MLF2: variants seen among roughly 807,000 people sequenced by gnomAD.
MLF2 encodes the protein myelodysplasia-myeloid leukemia factor 2.
In MLF2, 12 loss-of-function variants were observed where a neutral mutation model predicts 31.4. The ratio of observed to expected loss-of-function variants is 0.38; its 90% CI spans 0.24 to 0.62. The LOEUF (loss-of-function observed/expected upper bound fraction) is 0.62, where lower values mean the gene tolerates loss of function less well. MLF2 is among the 20% of genes least tolerant of loss of function. The pLI, the probability that MLF2 is intolerant of heterozygous loss-of-function variation, is 0.58. For synonymous variants in MLF2, 109 were observed against 118.8 expected (o/e 0.92, Z 0.54); for missense variants, 272 against 359.7 (o/e 0.76, Z 1.97).
chr12:6,748,719 G>T lies in MLF2; in HGVS notation c.*25+51C>A. On this transcript the variant is annotated intron_variant, in intron 8 of 8. Coordinates refer to ENST00000203630, the MANE Select transcript of MLF2 (RefSeq NM_001382226.1). The surrounding 1 kb of genome is among the most constrained non-coding windows in gnomAD (Gnocchi z 4.6). The stretch of plus-strand genomic sequence containing the variant: ...GAGCCTGAACTGAGCCTGCCTTGCA[G>T]CCGAGGACCGTCCGCAGGTGCACCC... 7.2e-7 allele frequency: 1 copy of T among 1,380,550 alleles called. No individual in the cohort carries two copies. The highest frequency in any genetic ancestry group is 9.6e-7 in the Non-Finnish European group (1 of 1,041,288). The allele number at this position is 1,380,550 out of a possible 1,614,324, so 85.5% of individuals were successfully genotyped here. A position where few individuals can be genotyped will look rare whatever the true frequency, so the allele number is the denominator to read the frequency against.
Position 6,749,690 on chromosome 12 carries a change from G to T in MLF2, c.559+158C>A, listed in dbSNP as rs972190096. On this transcript the variant is annotated intron_variant, in intron 7 of 8. Coordinates refer to ENST00000203630, the MANE Select transcript of MLF2 (RefSeq NM_001382226.1). This position sits in a 1 kb window ranked among gnomAD's most constrained non-coding sequence, Gnocchi z 5.3. The stretch of plus-strand genomic sequence containing the variant: ...AGATCGCGCCACTGCACTCCAGCCT[G>T]GGCACCTGGGCAACAAGAGCGAGAC... 2 of 1,024,180 alleles carry T rather than the reference G, an allele frequency of 2.0e-6. No homozygotes were observed. The highest frequency in any genetic ancestry group is 4.8e-5 in the Admixed American group (2 of 42,036). The allele number at this position is 1,024,180 out of a possible 1,614,324, so 63.4% of individuals were successfully genotyped here. A position where few individuals can be genotyped will look rare whatever the true frequency, so the allele number is the denominator to read the frequency against.
In MLF2 at chr12:6,752,052, T is replaced by A. The variant is rs1941623506; in HGVS notation, c.53A>T (p.Asp18Val). 6.2e-7 allele frequency: 1 copy of A among 1,614,082 alleles called. No homozygotes were observed. Among genetic ancestry groups the A allele is most frequent in the Non-Finnish European group, 8.5e-7 (1 of 1,180,006 alleles). The change falls in exon 3 of 9, where the codon GAT (aspartate) becomes GTT (valine). Residue 18 changes from aspartate to valine, a missense_variant and splice_region_variant. Coordinates refer to ENST00000203630, the MANE Select transcript of MLF2 (RefSeq NM_001382226.1). This position sits in a 1 kb window ranked among gnomAD's most constrained non-coding sequence, Gnocchi z 4.6. ...VEPEDPMFLM[D>V]PFAIHRQHMS... ...ATGCTGACGGTGAATAGCAAAGGGA[T>A]CCCTGTGGAGTGAGCACATAGTATG...
chr12:6,750,553 A>G lies in MLF2; in HGVS notation c.270+160T>C, dbSNP rs1046012062. 5 of 952,400 alleles carry G rather than the reference A, an allele frequency of 5.2e-6. No homozygotes were observed. The African/African-American group carries it at 8.2e-5, about 16-fold the overall frequency. 59.0% of individuals were successfully genotyped at this position (952,400 alleles called of 1,614,324 possible). The stretch of plus-strand genomic sequence containing the variant: ...CTGCTGCCGGCTGCTTCAGGCAGGC[A>G]TGACAGCAGGTACAGGGTCCCAAGG... On this transcript the variant is annotated intron_variant, in intron 5 of 8. Coordinates refer to ENST00000203630, the MANE Select transcript of MLF2 (RefSeq NM_001382226.1). The surrounding 1 kb of genome is among the most constrained non-coding windows in gnomAD (Gnocchi z 5.3).
Position 6,749,513 on chromosome 12 carries a change from G to A in MLF2, c.559+335C>T, listed in dbSNP as rs896884446. Reference sequence around the variant, plus strand: ...GGGTGGATCACAAGGTCAGGAGTTCGAGAACGGCCTGCCCAACATGGTGAA... The same window carrying A: ...GGGTGGATCACAAGGTCAGGAGTTCAAGAACGGCCTGCCCAACATGGTGAA... On this transcript the variant is annotated intron_variant, in intron 7 of 8. Coordinates refer to ENST00000203630, the MANE Select transcript of MLF2 (RefSeq NM_001382226.1). This position sits in a 1 kb window ranked among gnomAD's most constrained non-coding sequence, Gnocchi z 5.3. Among the ~76,000 whole-genome samples the A allele has an allele frequency of 1.3e-5, 2 of 152,222 alleles. No homozygotes were observed. The highest frequency in any genetic ancestry group is 2.9e-5 in the Non-Finnish European group (2 of 68,036).
rs1941626357 is a variant in MLF2, at chr12:6,752,169, G to A, written c.51-115C>T. On this transcript the variant is annotated intron_variant, in intron 2 of 8. Coordinates refer to ENST00000203630, the MANE Select transcript of MLF2 (RefSeq NM_001382226.1). This position sits in a 1 kb window ranked among gnomAD's most constrained non-coding sequence, Gnocchi z 4.6. Reference sequence around the variant, plus strand: ...TGGCACCGATGCCTACTTCCTGCTAGGTAGGAGCTAGGTATCCAGCCAGTT... The same window carrying A: ...TGGCACCGATGCCTACTTCCTGCTAAGTAGGAGCTAGGTATCCAGCCAGTT... 1.3e-6 allele frequency: 2 copies of A among 1,553,262 alleles called. No individual in the cohort carries two copies. The highest frequency in any genetic ancestry group is 1.7e-4 in the Middle Eastern group (1 of 5,946).
chr12:6,750,010 G>A lies in MLF2; in HGVS notation c.400-3C>T. 6.2e-7 allele frequency: 1 copy of A among 1,614,116 alleles called. No homozygotes were observed. Among genetic ancestry groups the A allele is most frequent in the Non-Finnish European group, 8.5e-7 (1 of 1,180,008 alleles). On this transcript the variant is annotated splice_region_variant and splice_polypyrimidine_tract_variant and intron_variant, in intron 6 of 8. Coordinates refer to ENST00000203630, the MANE Select transcript of MLF2 (RefSeq NM_001382226.1). The surrounding 1 kb of genome is among the most constrained non-coding windows in gnomAD (Gnocchi z 5.3). The stretch of plus-strand genomic sequence containing the variant: ...ACAGTCCTCCGTGTCTCCCGGATCT[G>A]GGATGAGGCAGAACGTGGCACACTC...
rs370009469 is a variant in MLF2, at chr12:6,748,857, G to A, written c.685C>T (p.Arg229Cys). The A allele has an allele frequency of 1.2e-5, 19 of 1,587,328 alleles. No individual in the cohort carries two copies. The highest frequency in any genetic ancestry group is 4.6e-5 in the South Asian group (4 of 87,616). The change falls in exon 8 of 9, where the codon CGC becomes TGC. Residue 229 changes from arginine (R) to cysteine (C), a missense_variant. Physicochemically the swap from Arg to Cys is radical, Grantham distance 180. Transcript: ENST00000203630. This position sits in a 1 kb window ranked among gnomAD's most constrained non-coding sequence, Gnocchi z 4.6. ...AGGRRAEGPP[R>C]LAIQGPEDSP... The stretch of plus-strand genomic sequence containing the variant: ...TCCTCAGGTCCCTGGATGGCCAGGC[G>A]GGGAGGCCCCTCCGCCCTTCGTCCC...
rs1358556216 is a variant in MLF2 at position 6,750,193 on chromosome 12, C to T, written c.383G>A (p.Arg128His). ...PKVYQETSEM[R>H]SAPGGIRETR... The stretch of plus-strand genomic sequence containing the variant: ...CCAACTCACCCCGCCTGGTGCCGAG[C>T]GCATCTCTGATGTCTCTTGGTAGAC... Residue 128 changes from arginine (R) to histidine (H), a missense_variant, in exon 6 of 9, where the codon CGC (arginine) becomes CAC (histidine). Coordinates refer to ENST00000203630, the MANE Select transcript of MLF2 (RefSeq NM_001382226.1). This position sits in a 1 kb window ranked among gnomAD's most constrained non-coding sequence, Gnocchi z 5.3. 9 of 1,614,098 alleles carry T rather than the reference C, an allele frequency of 5.6e-6. No homozygotes were observed. Among genetic ancestry groups the T allele is most frequent in the East Asian group, 4.5e-5 (2 of 44,904 alleles).
chr12:6,750,159 G>T lies in MLF2; in HGVS notation c.399+18C>A. The T allele has an allele frequency of 6.2e-7, 1 of 1,614,184 alleles. No individual in the cohort carries two copies. ...CTCAATCCTACCTTCTCTGGGACAG[G>T]AGGGCTCCCCAACTCACCCCGCCTG... On this transcript the variant is annotated intron_variant, in intron 6 of 8. Coordinates refer to ENST00000203630, the MANE Select transcript of MLF2 (RefSeq NM_001382226.1). This position sits in a 1 kb window ranked among gnomAD's most constrained non-coding sequence, Gnocchi z 5.3.
At position 6,751,992 on chromosome 12, in the gene MLF2, C is replaced by T. The variant is rs765622465; in HGVS notation, c.113G>A (p.Ser38Asn). 1 of 1,614,196 alleles carries T rather than the reference C, an allele frequency of 6.2e-7. No homozygotes were observed. ...GCCATCTGTGATGCTGAGGAAGGGGCTATATCCAAAGCCACCTGACAACAT... is the reference window on the plus strand; with the variant it reads ...GCCATCTGTGATGCTGAGGAAGGGGTTATATCCAAAGCCACCTGACAACAT... ...SRMLSGGFGYSPFLSITDGNM... is the reference protein window; with the variant it reads ...SRMLSGGFGYNPFLSITDGNM... The change falls in exon 3 of 9, where the codon AGC becomes AAC. Residue 38 changes from serine to asparagine, a missense_variant. Ser to Asn is a conservative substitution (Grantham distance 46). Coordinates refer to ENST00000203630, the MANE Select transcript of MLF2 (RefSeq NM_001382226.1).
In MLF2 at chr12:6,749,073, G is replaced by T; in HGVS notation, c.560-91C>A. On this transcript the variant is annotated intron_variant, in intron 7 of 8. Transcript: ENST00000203630. This position sits in a 1 kb window ranked among gnomAD's most constrained non-coding sequence, Gnocchi z 5.3. ...GAGCCACAGCTTTTCGGGCCAAAGCGGCGAAGGCTGAGTGTGCGTGCAGGG... is the reference window on the plus strand; with the variant it reads ...GAGCCACAGCTTTTCGGGCCAAAGCTGCGAAGGCTGAGTGTGCGTGCAGGG... 1 of 1,361,214 alleles carries T rather than the reference G, an allele frequency of 7.3e-7. No homozygotes were observed. The allele number at this position is 1,361,214 out of a possible 1,614,324, so 84.3% of individuals were successfully genotyped here. A position where few individuals can be genotyped will look rare whatever the true frequency, so the allele number is the denominator to read the frequency against.
rs775974163 is a variant in MLF2, at chr12:6,750,044, C to T, written c.400-37G>A. ...CAGAACGTGGCACACTCAGCCGCCC[C>T]TTCCAAAGCCCTGCCTATACCATCT... On this transcript the variant is annotated intron_variant, in intron 6 of 8. Transcript: ENST00000203630. The surrounding 1 kb of genome is among the most constrained non-coding windows in gnomAD (Gnocchi z 5.3). 6.2e-7 allele frequency: 1 copy of T among 1,613,182 alleles called. No homozygotes were observed. The highest frequency in any genetic ancestry group is 8.5e-7 in the Non-Finnish European group (1 of 1,179,342).
At position 6,749,293 on chromosome 12, in the gene MLF2, G is replaced by A. The variant is rs887979785; in HGVS notation, c.560-311C>T. ...AAAGATAAAGAGGGGAGAAAGAAAC[G>A]GATCAAGGTGGAGAAGGGTGTAACA... On this transcript the variant is annotated intron_variant, in intron 7 of 8. Coordinates refer to ENST00000203630, the MANE Select transcript of MLF2 (RefSeq NM_001382226.1). This position sits in a 1 kb window ranked among gnomAD's most constrained non-coding sequence, Gnocchi z 5.3. 1.3e-5 allele frequency among the ~76,000 whole-genome samples: 2 copies of A among 149,312 alleles called. No individual in the cohort carries two copies. Among genetic ancestry groups the A allele is most frequent in the African/African-American group, 2.5e-5 (1 of 40,488 alleles).
In MLF2 at chr12:6,749,803, A is replaced by C. The variant is rs1401143498; in HGVS notation, c.559+45T>G. On this transcript the variant is annotated intron_variant, in intron 7 of 8. Coordinates refer to ENST00000203630, the MANE Select transcript of MLF2 (RefSeq NM_001382226.1). This position sits in a 1 kb window ranked among gnomAD's most constrained non-coding sequence, Gnocchi z 5.3. Reference sequence around the variant, plus strand: ...CTATGTGTTAGGGATGTCCACGGGAACCGGGTTAGGGGCTGCCAGCCAGGA... The same window carrying C: ...CTATGTGTTAGGGATGTCCACGGGACCCGGGTTAGGGGCTGCCAGCCAGGA... The C allele has an allele frequency of 6.2e-7, 1 of 1,606,634 alleles. No homozygotes were observed. Among genetic ancestry groups the C allele is most frequent in the East Asian group, 2.2e-5 (1 of 44,590 alleles).
chr12:6,749,775 T>G lies in MLF2; in HGVS notation c.559+73A>C. ...CTGACCCAGAGCTTTGCCCCAGAAG[T>G]GTCTATGTGTTAGGGATGTCCACGG... is the stretch of plus-strand genomic sequence containing the variant. On this transcript the variant is annotated intron_variant, in intron 7 of 8. Transcript: ENST00000203630. The surrounding 1 kb of genome is among the most constrained non-coding windows in gnomAD (Gnocchi z 5.3). The G allele has an allele frequency of 6.5e-7, 1 of 1,548,750 alleles. No individual in the cohort carries two copies. The highest frequency in any genetic ancestry group is 8.8e-7 in the Non-Finnish European group (1 of 1,132,670).
Position 6,750,576 on chromosome 12 carries a change from A to G in MLF2, c.270+137T>C. 9.1e-7 allele frequency: 1 copy of G among 1,104,352 alleles called. No homozygotes were observed. The highest frequency in any genetic ancestry group is 2.5e-5 in the East Asian group (1 of 39,318). 68.4% of individuals were successfully genotyped at this position (1,104,352 alleles called of 1,614,324 possible). A position where few individuals can be genotyped will look rare whatever the true frequency, so the allele number is the denominator to read the frequency against. On this transcript the variant is annotated intron_variant, in intron 5 of 8. Transcript: ENST00000203630. The surrounding 1 kb of genome is among the most constrained non-coding windows in gnomAD (Gnocchi z 5.3). ...GCATGACAGCAGGTACAGGGTCCCA[A>G]GGCTCTCTGGTTCAATTACTTTATC...
chr12:6,752,110 A>G lies in MLF2; in HGVS notation c.51-56T>C. 3 of 1,609,204 alleles carry G rather than the reference A, an allele frequency of 1.9e-6. No individual in the cohort carries two copies. The highest frequency in any genetic ancestry group is 2.2e-5 in the East Asian group (1 of 44,782). On this transcript the variant is annotated intron_variant, in intron 2 of 8. Transcript: ENST00000203630. The surrounding 1 kb of genome is among the most constrained non-coding windows in gnomAD (Gnocchi z 4.6). Reference sequence around the variant, plus strand: ...GAAGCGCCAAACTGTCAATCCCTCCACCACCCTGCAAAAAAATACGCACAG... The same window carrying G: ...GAAGCGCCAAACTGTCAATCCCTCCGCCACCCTGCAAAAAAATACGCACAG...
In MLF2 at chr12:6,750,135, T is replaced by C. The variant is rs371539269; in HGVS notation, c.399+42A>G. 8.7e-6 allele frequency: 14 copies of C among 1,613,754 alleles called. No homozygotes were observed. Among genetic ancestry groups the C allele is most frequent in the Admixed American group, 1.7e-5 (1 of 59,976 alleles). On this transcript the variant is annotated intron_variant, in intron 6 of 8. Transcript: ENST00000203630. This position sits in a 1 kb window ranked among gnomAD's most constrained non-coding sequence, Gnocchi z 5.3. ...CAGCCAGGGTTTCTGGCGGTGCCGC[T>C]CAATCCTACCTTCTCTGGGACAGGA...
rs1941582784 is a variant in MLF2, at chr12:6,749,738, A to G, written c.559+110T>C. 1.3e-5 allele frequency: 17 copies of G among 1,326,974 alleles called. No individual in the cohort carries two copies. Among genetic ancestry groups the G allele is most frequent in the African/African-American group, 3.0e-5 (2 of 67,408 alleles). 82.2% of individuals were successfully genotyped at this position (1,326,974 alleles called of 1,614,324 possible). A position where few individuals can be genotyped will look rare whatever the true frequency, so the allele number is the denominator to read the frequency against. The stretch of plus-strand genomic sequence containing the variant: ...GACTCCATCTCAAAAAAAAAAAAAA[A>G]GGAATATGGGGCTGACCCAGAGCTT... On this transcript the variant is annotated intron_variant, in intron 7 of 8. Transcript: ENST00000203630. This position sits in a 1 kb window ranked among gnomAD's most constrained non-coding sequence, Gnocchi z 5.3.
Sources: allele counts gnomAD v4.1 joint callset (sites outside exome capture counted in the v4.1 genomes callset), GRCh38; gene constraint gnomAD v4.1.1; non-coding constraint Gnocchi (gnomAD v3.1); transcripts MANE v1.5; gene names NCBI Gene and HGNC (gene_info 2026-07-23, HGNC 2026-07-21).